Variants in WDHD1 observed in about 807,000 individuals in gnomAD.
WDHD1 encodes WD repeat and HMG-box DNA binding protein 1.
A neutral mutation model predicts 135.4 loss-of-function variants in WDHD1; 111 were observed. That is an observed-to-expected ratio of 0.82 (90% CI 0.70 to 0.96). WDHD1 has a LOEUF of 0.96. Ranked by LOEUF, WDHD1 falls within the 40% of genes least tolerant of loss-of-function variation. The pLI, the probability that WDHD1 is intolerant of heterozygous loss-of-function variation, is 0.00. For missense variants in WDHD1, 1,351 were observed against 1,336.3 expected (o/e 1.01, Z -0.17); for synonymous variants, 434 against 439.0 (o/e 0.99, Z 0.14).
chr14:55,026,655 T>C, intron 2 of WDHD1, 56 bp downstream of exon 2: 1 of 1,559,618 alleles, frequency 6.4e-7, no homozygotes, highest in Non-Finnish European at 8.8e-7. Context: ...ATATAAAGTT[T>C]AAGGATAAAT....
At chr14:54,955,726 A>G (rs750197539) in intron 23 of WDHD1, 32 bp from the exon 24 acceptor site, 2 of 1,441,598 alleles carry the variant, frequency 1.4e-6, no homozygotes, top group African/African-American at 1.5e-5. Context: ...CTGCAATAAC[A>G]TCTAGTATAA....
intron 24 of WDHD1, among the ~76,000 whole-genome samples, chr14:54,953,909 G>A (rs1484666722): frequency 6.6e-6 from 1 of 152,108 alleles, no homozygotes; most frequent in Non-Finnish European, 1.5e-5. Context: ...ACTCATAGGT[G>A]AGAACTGAAC....
chr14:55,011,481 G>C (rs557810382), intron 3 of WDHD1, among the ~76,000 whole-genome samples: 3 of 122,922 alleles, frequency 2.4e-5, no homozygotes, highest in Admixed American at 2.2e-4. Flanking sequence ...CTGAGACTGC[G>C]CCATTGCACT....
At chr14:54,980,187 G>A (rs200333560) in intron 16 of WDHD1, among the ~76,000 whole-genome samples, 3 of 151,770 alleles carry the variant, frequency 2.0e-5, no homozygotes, top group South Asian at 2.1e-4. Context: ...GTGGTGGTGC[G>A]TGCCTGTAGT....
At chr14:54,951,312 G>T in intron 24 of WDHD1, among the ~76,000 whole-genome samples, 1 of 151,686 alleles carries the variant, frequency 6.6e-6, no homozygotes, top group East Asian at 1.9e-4. Context: ...ATGATAAAGG[G>T]GATATCACCA....
At chr14:54,962,366 A>G in intron 21 of WDHD1, 132 bp downstream of exon 21, 1 of 732,260 alleles carries the variant, frequency 1.4e-6, no homozygotes, top group East Asian at 2.5e-5. Context: ...ATCTGAGATT[A>G]AAAAAACAAA....
At chr14:55,009,108 T>C (rs1471575549) in intron 4 of WDHD1, among the ~76,000 whole-genome samples, 1 of 152,150 alleles carries the variant, frequency 6.6e-6, no homozygotes, top group African/African-American at 2.4e-5. Flanking sequence ...TATTTTAAAA[T>C]CACAAAATCT....
At chr14:55,017,106 G>C (rs535276046) in intron 2 of WDHD1, among the ~76,000 whole-genome samples, 48 of 152,280 alleles carry the variant, frequency 3.2e-4, no homozygotes, top group Non-Finnish European at 6.3e-4. Context: ...TGAAATATCT[G>C]ACATCAGTGG....
intron 23 of WDHD1, among the ~76,000 whole-genome samples, chr14:54,956,830 T>C (rs1268487529): frequency 1.3e-5 from 2 of 152,108 alleles, no homozygotes; most frequent in Non-Finnish European, 2.9e-5. Flanking sequence ...GCTCAAGTGA[T>C]CCTCCCACCT....
At chr14:54,946,145 G>A (rs1349926904) in intron 24 of WDHD1, among the ~76,000 whole-genome samples, 1 of 152,188 alleles carries the variant, frequency 6.6e-6, no homozygotes, top group African/African-American at 2.4e-5. Flanking sequence ...AATGTCACAA[G>A]TCTACTTAGT....
chr14:55,003,511 T>A (rs2042010313), intron 7 of WDHD1, among the ~76,000 whole-genome samples: 1 of 150,704 alleles, frequency 6.6e-6, no homozygotes, highest in Non-Finnish European at 1.5e-5. Context: ...TGAGACCATG[T>A]CTCAAAAAAA....
At chr14:54,955,896 T>G (rs184644775) in intron 23 of WDHD1, among the ~76,000 whole-genome samples, 9,332 of 72,984 alleles carry the variant, frequency 0.13, 525 homozygotes, top group Non-Finnish European at 0.17. Flanking sequence ...CATGTTTTCC[T>G]TTTTTTTTTT....
chr14:54,997,089 CTTT>C (rs71131246), intron 10 of WDHD1, among the ~76,000 whole-genome samples: 7 of 41,228 alleles, frequency 1.7e-4, no homozygotes, highest in Admixed American at 8.0e-4. Context: ...AGCGCCCAGC[CTTT>C]TTTTTTTTTT....
Position 54,989,158 on chromosome 14 carries a change from T to C in WDHD1, c.1396A>G (p.Ile466Val), listed in dbSNP as rs141140861. 652 of 1,613,812 alleles carry C rather than the reference T, an allele frequency of 4.0e-4. 5 individuals carry two copies. The Middle Eastern group carries it at 0.019, about 46-fold the overall frequency. The change falls in exon 13 of 26, where the codon ATA becomes GTA. Residue 466 changes from isoleucine (I) to valine (V), a missense_variant. Physicochemically the swap from Ile to Val is conservative, Grantham distance 29. This residue lies in a region of WDHD1 where 1,330 missense variants were observed against 1,296.1 expected (regional missense o/e 1.03). Coordinates refer to ENST00000360586, the MANE Select transcript of WDHD1 (RefSeq NM_007086.4). ...RCYNDEQDNA[I>V]DVEFHDTSIH... ...GAGGTATCATGGAACTCCACATCTA[T>C]GGCATTGTCTTGCTCATCATTATAG... is the stretch of plus-strand genomic sequence containing the variant.
chr14:54,996,353 A>G (rs2041878368), intron 10 of WDHD1, among the ~76,000 whole-genome samples: 4 of 152,234 alleles, frequency 2.6e-5, no homozygotes, highest in Admixed American at 2.0e-4. Flanking sequence ...CACACCTGTA[A>G]TCTCAGCACT....
intron 17 of WDHD1, among the ~76,000 whole-genome samples, 191 bp from the exon 18 acceptor site, chr14:54,966,797 C>G (rs1017838801): frequency 6.6e-6 from 1 of 152,190 alleles, no homozygotes; most frequent in Non-Finnish European, 1.5e-5. Context: ...TTAAAAAAGG[C>G]AGCTGGGGAG....
intron 21 of WDHD1, among the ~76,000 whole-genome samples, chr14:54,961,120 G>A (rs1354238612): frequency 2.6e-5 from 4 of 152,018 alleles, no homozygotes; most frequent in African/African-American, 9.7e-5. Flanking sequence ...TCTATTATCT[G>A]TTCTTCTTCA....
At chr14:54,994,211 G>T (rs1350539334) in intron 11 of WDHD1, among the ~76,000 whole-genome samples, 2 of 152,074 alleles carry the variant, frequency 1.3e-5, no homozygotes, top group Non-Finnish European at 2.9e-5. Context: ...TTCTTTAATA[G>T]ATACAATACT....
At chr14:54,982,002 T>C (rs1446271518) in intron 15 of WDHD1, among the ~76,000 whole-genome samples, 1 of 151,666 alleles carries the variant, frequency 6.6e-6, no homozygotes, top group Non-Finnish European at 1.5e-5. Context: ...TATTTATTTA[T>C]TTATTATTAT....
Sources: gnomAD v4.1 joint callset for allele counts (sites outside exome capture counted in the v4.1 genomes callset) on GRCh38, gnomAD v4.1.1 for gene constraint, gnomAD v4.1.1 regional missense constraint, MANE v1.5 for transcripts, NCBI Gene and HGNC (gene_info 2026-07-23, HGNC 2026-07-21) for gene names.